The following ZNF722 variants were observed in gnomAD, a reference collection of about 807,000 sequenced individuals.
ZNF722 encodes zinc finger protein 479 pseudogene.
chr7:64,010,487 C>T, the ZNF722 span, among the ~76,000 whole-genome samples: 1 of 152,118 alleles, frequency 6.6e-6, no homozygotes, highest in Admixed American at 6.6e-5. Context: ...TTTCTGCCTT[C>T]ATTTCGTTAT....
the ZNF722 span, among the ~76,000 whole-genome samples, chr7:64,014,812 C>T: frequency 6.6e-6 from 1 of 152,118 alleles, no homozygotes; most frequent in African/African-American, 2.4e-5. Flanking sequence ...ACATTGTGCT[C>T]ACATGGGGCA....
the ZNF722 span, among the ~76,000 whole-genome samples, chr7:64,012,524 G>A: frequency 6.6e-6 from 1 of 152,110 alleles, no homozygotes; most frequent in African/African-American, 2.4e-5. Context: ...CCTTCCAACA[G>A]TCAAGTCCCT....
chr7:64,009,979 A>G, the ZNF722 span, among the ~76,000 whole-genome samples: 1 of 152,080 alleles, frequency 6.6e-6, no homozygotes, highest in South Asian at 2.1e-4. Flanking sequence ...GGGAGGGTGT[A>G]TGTGTCCAGG....
chr7:64,009,351 C>T, the ZNF722 span, among the ~76,000 whole-genome samples: 1 of 152,148 alleles, frequency 6.6e-6, no homozygotes, highest in Non-Finnish European at 1.5e-5. Context: ...CCAGTTTTTG[C>T]CCGTTCAGTA....
the ZNF722 span, among the ~76,000 whole-genome samples, chr7:63,999,502 C>G: frequency 1.3e-5 from 2 of 152,048 alleles, no homozygotes; most frequent in Non-Finnish European, 2.9e-5. Context: ...ATGGGAGAGA[C>G]TTGAAGGAAA....
the ZNF722 span, among the ~76,000 whole-genome samples, chr7:63,999,992 A>G: frequency 1.6e-4 from 24 of 151,774 alleles, no homozygotes; most frequent in Non-Finnish European, 2.8e-4. Flanking sequence ...CACCTCACCC[A>G]ACCATAAGAG....
the ZNF722 span, among the ~76,000 whole-genome samples, chr7:63,999,538 G>A: frequency 2.0e-5 from 3 of 152,156 alleles, no homozygotes; most frequent in Admixed American, 2.0e-4. Context: ...CGTGATGAAG[G>A]AAACCAAATT....
chr7:63,998,849 C>T, the ZNF722 span: 8 of 1,259,032 alleles, frequency 6.4e-6, no homozygotes, highest in African/African-American at 3.0e-5. Context: ...TTTGCGGGTC[C>T]TTTTGTGCTT....
At chr7:64,006,891 G>A in the ZNF722 span, among the ~76,000 whole-genome samples, 1 of 151,604 alleles carries the variant, frequency 6.6e-6, no homozygotes, top group South Asian at 2.1e-4. Flanking sequence ...GGATATGCAA[G>A]CAGGATATTT....
chr7:64,012,111 T>C, the ZNF722 span, among the ~76,000 whole-genome samples: 1 of 152,192 alleles, frequency 6.6e-6, no homozygotes, highest in Non-Finnish European at 1.5e-5. Flanking sequence ...TGCCATGGTT[T>C]TCAGCTCCAT....
At chr7:64,003,364 C>T in the ZNF722 span, among the ~76,000 whole-genome samples, 4 of 151,942 alleles carry the variant, frequency 2.6e-5, no homozygotes, top group South Asian at 2.1e-4. Context: ...GTCTTTCTGC[C>T]GTGGGTGTGT....
chr7:64,015,813 G>A, the ZNF722 span: 1 of 1,609,590 alleles, frequency 6.2e-7, no homozygotes, highest in Non-Finnish European at 8.5e-7. Context: ...TCATACTGGA[G>A]AGAAACCCTA....
chr7:64,012,249 A>G, the ZNF722 span, among the ~76,000 whole-genome samples: 1 of 152,066 alleles, frequency 6.6e-6, no homozygotes. Context: ...GTTTGTTATT[A>G]CTGATCTTCT....
chr7:64,004,425 A>ATATATATAT, the ZNF722 span, among the ~76,000 whole-genome samples: 112 of 61,080 alleles, frequency 1.8e-3, no homozygotes, highest in East Asian at 8.9e-3. Context: ...AAAAAAAAAA[A>ATATATATAT]ATATATATAT....
the ZNF722 span, among the ~76,000 whole-genome samples, chr7:64,005,171 C>T: frequency 4.6e-5 from 7 of 152,070 alleles, no homozygotes; most frequent in Non-Finnish European, 1.0e-4. Context: ...TGGTGGCTCA[C>T]GCCTGTAGTC....
At chr7:64,003,330 G>A in the ZNF722 span, among the ~76,000 whole-genome samples, 116 of 152,212 alleles carry the variant, frequency 7.6e-4, no homozygotes, top group Non-Finnish European at 1.2e-3. Flanking sequence ...AACAAAAATG[G>A]GTGAATGTTT....
At chr7:64,011,169 A>G in the ZNF722 span, among the ~76,000 whole-genome samples, 1 of 152,112 alleles carries the variant, frequency 6.6e-6, no homozygotes, top group Non-Finnish European at 1.5e-5. Context: ...GGTCTCCTGA[A>G]TACAGCACAC....
At chr7:64,003,957 G>A in the ZNF722 span, among the ~76,000 whole-genome samples, 4 of 152,070 alleles carry the variant, frequency 2.6e-5, no homozygotes, top group African/African-American at 4.8e-5. Context: ...ACAGAATGGC[G>A]TGTATTGCCC....
chr7:64,004,704 A>T, the ZNF722 span, among the ~76,000 whole-genome samples: 1 of 151,972 alleles, frequency 6.6e-6, no homozygotes. Context: ...TTTAATCTGG[A>T]ATCTGTCCTT....
Sources: gnomAD v4.1 joint callset for allele counts (sites outside exome capture counted in the v4.1 genomes callset) on GRCh38, gnomAD v4.1.1 for gene constraint, MANE v1.5 for transcripts, NCBI Gene and HGNC (gene_info 2026-07-23, HGNC 2026-07-21) for gene names.